Variants in C1QTNF9 observed in about 807,000 individuals in gnomAD.
C1QTNF9 encodes the protein complement C1q and tumor necrosis factor-related protein 9A.
C1QTNF9 carries 6 observed loss-of-function variants against 10.1 expected under a neutral mutation model. The observed-to-expected ratio is 0.59, with a 90% CI of 0.32 to 1.17. The LOEUF is 1.17. Ranked by LOEUF, C1QTNF9 falls within the 50% of genes most tolerant of loss-of-function variation. C1QTNF9 has a pLI of 0.04. For missense variants in C1QTNF9, 201 were observed against 418.8 expected, an observed-to-expected ratio of 0.48 and a Z score of 4.54; for synonymous variants, 98 against 163.5, an observed-to-expected ratio of 0.60 and a Z score of 3.06.
chr13:24,309,147 GA>G (rs1877715880), upstream of C1QTNF9, among the ~76,000 whole-genome samples: 2 of 151,896 alleles, frequency 1.3e-5, no homozygotes, highest in Non-Finnish European at 2.9e-5. Context: ...CAAGGTCAGG[GA>G]GAAGCACTGA....
At chr13:24,312,145 C>G (rs965385315) in intron 1 of C1QTNF9, among the ~76,000 whole-genome samples, 14 of 152,238 alleles carry the variant, frequency 9.2e-5, no homozygotes, top group Admixed American at 6.5e-5. Context: ...GATACCCAGT[C>G]ACCTTCCCAA....
intron 1 of C1QTNF9, among the ~76,000 whole-genome samples, chr13:24,313,440 C>G (rs888024340): frequency 6.6e-6 from 1 of 152,134 alleles, no homozygotes; most frequent in Non-Finnish European, 1.5e-5. Flanking sequence ...ATTATAGAAC[C>G]CTCAACAAAG....
chr13:24,319,125 G>A (rs1038832790), intron 3 of C1QTNF9, among the ~76,000 whole-genome samples: 116 of 152,184 alleles, frequency 7.6e-4, no homozygotes, highest in Non-Finnish European at 1.3e-3. Context: ...GTGAAAAGAA[G>A]CTGTAGATGC....
chr13:24,315,646 C>T (rs1306403299), intron 1 of C1QTNF9: 3 of 438,486 alleles, frequency 6.8e-6, no homozygotes, highest in African/African-American at 5.8e-5. Flanking sequence ...GTACGACAGT[C>T]CTGTGAGATA....
upstream of C1QTNF9, among the ~76,000 whole-genome samples, chr13:24,309,389 T>C (rs989258996): frequency 2.0e-5 from 3 of 151,170 alleles, no homozygotes; most frequent in African/African-American, 7.3e-5. Context: ...GGATTTAACT[T>C]TTCTAAACTA....
At chr13:24,310,454 G>A (rs182259589) in intron 1 of C1QTNF9, among the ~76,000 whole-genome samples, 2 of 151,692 alleles carry the variant, frequency 1.3e-5, no homozygotes, top group East Asian at 1.9e-4. Flanking sequence ...CCCGGCCTAT[G>A]ATGGATCTTT....
At chr13:24,307,991 G>C (rs948335474), upstream of C1QTNF9, among the ~76,000 whole-genome samples, 2 of 152,246 alleles carry the variant, frequency 1.3e-5, no homozygotes, top group East Asian at 1.9e-4. Context: ...GCCCCGGCAG[G>C]GTCCTGGCGG....
At chr13:24,319,333 G>A (rs564769327) in intron 3 of C1QTNF9, among the ~76,000 whole-genome samples, 102 of 152,182 alleles carry the variant, frequency 6.7e-4, no homozygotes, top group Non-Finnish European at 1.2e-3. Flanking sequence ...GAACCTAGGA[G>A]TTCCAGACCA....
upstream of C1QTNF9, chr13:24,307,245 G>C (rs1256550745): frequency 6.6e-6 from 1 of 152,222 alleles, no homozygotes; most frequent in East Asian, 1.9e-4. Context: ...GTGGGAGAAG[G>C]GGGGCTCCGA....
intron 1 of C1QTNF9, chr13:24,315,651 G>C (rs1877992784): frequency 6.7e-6 from 3 of 444,876 alleles, no homozygotes; most frequent in Non-Finnish European, 1.2e-5. Context: ...ACAGTCCTGT[G>C]AGATAAGTAA....
At chr13:24,308,173 A>G (rs1182705659), upstream of C1QTNF9, among the ~76,000 whole-genome samples, 1 of 152,254 alleles carries the variant, frequency 6.6e-6, no homozygotes, top group Non-Finnish European at 1.5e-5. Flanking sequence ...GCTCTGAGGC[A>G]GAGGTCCAGG....
chr13:24,315,880 G>A lies in C1QTNF9; in HGVS notation c.-22-102G>A, dbSNP rs182972383. On this transcript the variant is annotated intron_variant, in intron 1 of 3. Coordinates refer to ENST00000332018, the Ensembl canonical transcript of C1QTNF9. ...AAGTTTGTGCAGGTGTGGGTCTGGG[G>A]CAGGGGACAGCTCATCCATTTCCCA... The A allele has an allele frequency of 1.5e-5, 19 of 1,270,062 alleles. No individual in the cohort carries two copies. The African/African-American group carries it at 2.5e-4, about 17-fold the overall frequency. 78.7% of individuals were successfully genotyped at this position (1,270,062 alleles called of 1,614,324 possible). A position where few individuals can be genotyped will look rare whatever the true frequency, so the allele number is the denominator to read the frequency against.
At chr13:24,317,784 C>T (rs920542204) in intron 2 of C1QTNF9, among the ~76,000 whole-genome samples, 1 of 148,504 alleles carries the variant, frequency 6.7e-6, no homozygotes, top group South Asian at 2.1e-4. Flanking sequence ...ATGGGAGAAA[C>T]GAGAGCCAAG....
At chr13:24,316,823 T>G (rs573751809) in intron 2 of C1QTNF9, among the ~76,000 whole-genome samples, 5 of 152,210 alleles carry the variant, frequency 3.3e-5, no homozygotes, top group African/African-American at 1.2e-4. Context: ...CAACAACCAA[T>G]AGACTTGGTT....
exon 4 of C1QTNF9, chr13:24,321,568 A>G: frequency 1.2e-6 from 2 of 1,613,646 alleles, no homozygotes; most frequent in South Asian, 1.1e-5. Flanking sequence ...GTCTTTGGTC[A>G]AAAATGGAGT....
chr13:24,321,573 T>C lies in C1QTNF9; in HGVS notation c.807T>C (p.Asn269=), dbSNP rs377422263. 8.9e-4 allele frequency: 1,439 copies of C among 1,612,226 alleles called. 29 individuals are homozygous for C. The South Asian group carries it at 0.014, about 15-fold the overall frequency. ...ATGTTCAGGTGTCTTTGGTCAAAAA[T>C]GGAGTAAAAATACTGCACACCAAAG... is the stretch of plus-strand genomic sequence containing the variant. Residue 269 remains asparagine (N), a synonymous_variant, in exon 4 of 4, where the codon AAT becomes AAC. Transcript: ENST00000332018.
At chr13:24,314,649 G>A (rs117693829) in intron 1 of C1QTNF9, among the ~76,000 whole-genome samples, 5,298 of 152,168 alleles carry the variant, frequency 0.035, 134 homozygotes, top group Middle Eastern at 0.078. Flanking sequence ...TCCAGCTTGG[G>A]CCACAAGGGC....
chr13:24,313,096 G>A (rs1877898308), intron 1 of C1QTNF9, among the ~76,000 whole-genome samples: 1 of 152,120 alleles, frequency 6.6e-6, no homozygotes, highest in Non-Finnish European at 1.5e-5. Flanking sequence ...TCATGAGACT[G>A]TATCTCTATA....
At chr13:24,312,826 G>T (rs1473738479) in intron 1 of C1QTNF9, among the ~76,000 whole-genome samples, 1 of 151,928 alleles carries the variant, frequency 6.6e-6, no homozygotes, top group Admixed American at 6.6e-5. Context: ...ATGGTAGTGG[G>T]TGCCTGTAGT....
Sources: allele counts gnomAD v4.1 joint callset (sites outside exome capture counted in the v4.1 genomes callset), GRCh38; gene constraint gnomAD v4.1.1; transcripts MANE v1.5; gene names NCBI Gene and HGNC (gene_info 2026-07-23, HGNC 2026-07-21).